The following EPHB1 variants were observed in gnomAD, a reference collection of about 807,000 sequenced individuals.
EPHB1 encodes EPH receptor B1, also known as ephrin type-B receptor 1.
A neutral mutation model predicts 94.4 loss-of-function variants in EPHB1; 30 were observed. That is an observed-to-expected ratio of 0.32 (90% CI 0.24 to 0.43). The LOEUF (loss-of-function observed/expected upper bound fraction) is 0.43. Ranked by LOEUF, EPHB1 falls within the 20% of genes least tolerant of loss-of-function variation. The pLI, the probability that EPHB1 is intolerant of heterozygous loss-of-function variation, is 1.00. For missense variants in EPHB1, 1,055 were observed against 1,308.3 expected, an observed-to-expected ratio of 0.81 and a Z score of 2.99; for synonymous variants, 522 against 489.1, an observed-to-expected ratio of 1.07 and a Z score of -0.89.
intron 9 of EPHB1, 60 bp from the exon 10 acceptor site, chr3:135,179,800 G>A: frequency 6.2e-7 from 1 of 1,600,352 alleles, no homozygotes; most frequent in South Asian, 1.1e-5. Context: ...GACATCAGCA[G>A]TGCTGAATGA....
At chr3:135,190,637 ATAAGT>A (rs1256325174) in intron 10 of EPHB1, among the ~76,000 whole-genome samples, 5 of 152,230 alleles carry the variant, frequency 3.3e-5, no homozygotes, top group Middle Eastern at 3.2e-3. Context: ...TAATTACTAA[ATAAGT>A]TAAGCTATTG....
At chr3:135,093,569 A>C (rs1938636619) in intron 3 of EPHB1, among the ~76,000 whole-genome samples, 1 of 152,046 alleles carries the variant, frequency 6.6e-6, no homozygotes, top group Non-Finnish European at 1.5e-5. Flanking sequence ...AAATACAAAA[A>C]TAATTAGCCA....
chr3:135,128,175 A>C (rs762210768), intron 4 of EPHB1, among the ~76,000 whole-genome samples: 3 of 152,214 alleles, frequency 2.0e-5, no homozygotes, highest in Non-Finnish European at 4.4e-5. Context: ...TTGCGGAAGG[A>C]GATGGCAGAT....
intron 3 of EPHB1, among the ~76,000 whole-genome samples, chr3:135,088,970 T>C (rs1938464040): frequency 6.6e-6 from 1 of 152,200 alleles, no homozygotes; most frequent in African/African-American, 2.4e-5. Flanking sequence ...CATTCAATCA[T>C]CAAAACAACT....
At chr3:134,937,718 A>G (rs1009104130) in intron 2 of EPHB1, among the ~76,000 whole-genome samples, 4 of 152,202 alleles carry the variant, frequency 2.6e-5, no homozygotes, top group African/African-American at 9.6e-5. Context: ...GCCTGGGCTT[A>G]GCAGTATCAA....
At chr3:135,163,029 GA>G (rs1941553938) in intron 7 of EPHB1, among the ~76,000 whole-genome samples, 1 of 152,038 alleles carries the variant, frequency 6.6e-6, no homozygotes, top group Non-Finnish European at 1.5e-5. Context: ...GTCTATTCCT[GA>G]CTCCCCAAAT....
At chr3:135,160,667 T>G (rs1941480591) in intron 6 of EPHB1, among the ~76,000 whole-genome samples, 1 of 152,198 alleles carries the variant, frequency 6.6e-6, no homozygotes, top group African/African-American at 2.4e-5. Flanking sequence ...CCCAGGATCT[T>G]TGCAAAGAAA....
intron 1 of EPHB1, among the ~76,000 whole-genome samples, chr3:134,880,256 CG>C (rs2037705002): frequency 1.3e-5 from 2 of 152,170 alleles, no homozygotes; most frequent in South Asian, 4.2e-4. Flanking sequence ...GTGACAGACC[CG>C]GGCTGCTTTG....
At chr3:135,240,510 A>G (rs534895506) in intron 12 of EPHB1, among the ~76,000 whole-genome samples, 3 of 152,278 alleles carry the variant, frequency 2.0e-5, no homozygotes, top group Non-Finnish European at 4.4e-5. Context: ...CTTGACCTCC[A>G]CTGAAGGGCT....
chr3:134,991,954 T>A (rs1392392179), intron 3 of EPHB1, among the ~76,000 whole-genome samples: 1 of 152,152 alleles, frequency 6.6e-6, no homozygotes, highest in Non-Finnish European at 1.5e-5. Flanking sequence ...AGGACTTCCC[T>A]TTGATGGGTA....
rs371516686 is a variant in EPHB1 at position 135,106,557 on chromosome 3, C to T, written c.915C>T (p.Thr305=). ...CGTCTCCCATCTGCACCTGTCGGACCGGTTATTACCGAGCGGACTTTGACC... is the reference window on the plus strand; with the variant it reads ...CGTCTCCCATCTGCACCTGTCGGACTGGTTATTACCGAGCGGACTTTGACC... The part of the protein sequence containing the change: ...AEASPICTCR[T]GYYRADFDPP... The change falls in exon 4 of 16, where the codon ACC becomes ACT. Residue 305 remains threonine (T), a synonymous_variant. Coordinates refer to ENST00000398015, the MANE Select transcript of EPHB1 (RefSeq NM_004441.5). The T allele has an allele frequency of 6.2e-6, 10 of 1,613,898 alleles. No homozygotes were observed. In the African/African-American group the frequency reaches 8.0e-5, roughly 13 times the overall value.
intron 3 of EPHB1, among the ~76,000 whole-genome samples, chr3:135,062,947 T>G (rs1325922076): frequency 6.6e-6 from 1 of 152,234 alleles, no homozygotes; most frequent in Non-Finnish European, 1.5e-5. Flanking sequence ...AAGGGTGTCC[T>G]TTCCTCACTT....
At chr3:135,205,943 C>T (rs888707247) in intron 12 of EPHB1, among the ~76,000 whole-genome samples, 1 of 152,094 alleles carries the variant, frequency 6.6e-6, no homozygotes, top group African/African-American at 2.4e-5. Flanking sequence ...TTTAAAAATG[C>T]GTGCAACTGT....
intron 4 of EPHB1, among the ~76,000 whole-genome samples, chr3:135,130,008 A>C (rs899751623): frequency 3.9e-5 from 6 of 152,208 alleles, no homozygotes; most frequent in Non-Finnish European, 7.3e-5. Context: ...AAGGAGGGCA[A>C]CCATTTTGGA....
chr3:135,012,875 C>T (rs1051306519), intron 3 of EPHB1, among the ~76,000 whole-genome samples: 2 of 152,178 alleles, frequency 1.3e-5, no homozygotes, highest in African/African-American at 4.8e-5. Context: ...ATCCACTGAT[C>T]CAGATCCTTG....
intron 1 of EPHB1, among the ~76,000 whole-genome samples, chr3:134,845,017 C>G (rs1295083807): frequency 6.6e-6 from 1 of 152,216 alleles, no homozygotes; most frequent in Non-Finnish European, 1.5e-5. Flanking sequence ...GACATGATGC[C>G]TGGCACCAAG....
rs113600802 is a variant in EPHB1, at chr3:134,797,064, G to T, written c.58+1375G>T. On this transcript the variant is annotated intron_variant, in intron 1 of 15. Transcript: ENST00000398015. ...CCCTTCCCTTTTGGCGAAGACCACC[G>T]CATCCCACGTTTGTTCTGGTGGCGG... Among the ~76,000 whole-genome samples the T allele has an allele frequency of 7.7e-3, 1,173 of 152,304 alleles. 14 individuals carry two copies. The highest frequency in any genetic ancestry group is 0.026 in the African/African-American group (1,071 of 41,568).
intron 5 of EPHB1, among the ~76,000 whole-genome samples, chr3:135,139,769 G>A (rs1442098620): frequency 6.6e-6 from 1 of 152,240 alleles, no homozygotes; most frequent in African/African-American, 2.4e-5. Context: ...GGAACCACGT[G>A]TCGTTGCCAG....
chr3:134,916,353 C>G (rs932082650), intron 1 of EPHB1, among the ~76,000 whole-genome samples: 2 of 152,248 alleles, frequency 1.3e-5, no homozygotes, highest in Non-Finnish European at 2.9e-5. Context: ...CGCTGTGTGC[C>G]TGCACTCCTC....
Sources: allele counts gnomAD v4.1 joint callset (sites outside exome capture counted in the v4.1 genomes callset), GRCh38; gene constraint gnomAD v4.1.1; transcripts MANE v1.5; gene names NCBI Gene and HGNC (gene_info 2026-07-23, HGNC 2026-07-21).